Variants in MBTPS1 observed in about 807,000 individuals in gnomAD.
MBTPS1 encodes membrane-bound transcription factor site-1 protease.
MBTPS1 carries 94 observed loss-of-function variants against 127.8 expected under a neutral mutation model. The observed-to-expected ratio is 0.74, with a 90% CI of 0.62 to 0.87. The LOEUF (loss-of-function observed/expected upper bound fraction) is 0.87. Ranked by LOEUF, MBTPS1 falls within the 40% of genes least tolerant of loss-of-function variation. The probability of loss-of-function intolerance (pLI) is 0.00; values close to 1 mark genes in which losing one functional copy is unlikely to be tolerated. For synonymous variants in MBTPS1, 632 were observed against 509.4 expected (o/e 1.24, Z -3.24); for missense variants, 1,636 against 1,353.2 (o/e 1.21, Z -3.28).
At chr16:84,113,099 C>G (rs940813539) in intron 1 of MBTPS1, among the ~76,000 whole-genome samples, 1 of 152,014 alleles carries the variant, frequency 6.6e-6, no homozygotes, top group African/African-American at 2.4e-5. Flanking sequence ...GGATCTATCT[C>G]CTACAAATTG....
At position 84,085,126 on chromosome 16, in the gene MBTPS1, T is replaced by C; in HGVS notation, c.1143A>G (p.Pro381=). 3 of 1,614,172 alleles carry C rather than the reference T, an allele frequency of 1.9e-6. No homozygotes were observed. Among genetic ancestry groups the C allele is most frequent in the Non-Finnish European group, 2.5e-6 (3 of 1,180,008 alleles). ...SSRGMTTWEL[P]GGYGRMKPDI... Reference sequence around the variant, plus strand: ...CAGGTTTCATGCGACCGTAGCCTCCTGGTAGCTCCTATGAATAAAAGCAGC... The same window carrying C: ...CAGGTTTCATGCGACCGTAGCCTCCCGGTAGCTCCTATGAATAAAAGCAGC... Residue 381 remains proline (P), a synonymous_variant, in exon 10 of 23, where the codon CCA becomes CCG. Transcript: ENST00000343411.
chr16:84,107,838 C>T lies in MBTPS1; in HGVS notation c.-324-5731G>A, dbSNP rs570627481. Among the ~76,000 whole-genome samples the T allele has an allele frequency of 2.8e-3, 418 of 150,890 alleles. 1 individual carries two copies. Among genetic ancestry groups the T allele is most frequent in the Middle Eastern group, 0.014 (4 of 288 alleles). On this transcript the variant is annotated intron_variant, in intron 1 of 22. Transcript: ENST00000343411. The stretch of plus-strand genomic sequence containing the variant: ...TCCTACCTCAGCCTACCAAGTTGCA[C>T]GGACTACAATACGGCACTATGTCCA...
intron 14 of MBTPS1, among the ~76,000 whole-genome samples, chr16:84,068,825 C>T (rs531024894): frequency 1.2e-4 from 18 of 152,366 alleles, no homozygotes; most frequent in African/African-American, 3.4e-4. Flanking sequence ...AGTGCAGGGA[C>T]GCTGGAACAA....
At chr16:84,075,163 T>A (rs2085834923) in intron 11 of MBTPS1, 1 of 153,374 alleles carries the variant, frequency 6.5e-6, no homozygotes, top group Non-Finnish European at 1.5e-5. Context: ...AGGGGAGAGC[T>A]TAGGAAGCTG....
At chr16:84,105,250 A>T (rs1323226111) in intron 1 of MBTPS1, among the ~76,000 whole-genome samples, 1 of 152,242 alleles carries the variant, frequency 6.6e-6, no homozygotes, top group East Asian at 1.9e-4. Flanking sequence ...TCATTAGATC[A>T]GGCAATTTTA....
rs763690401 is a variant in MBTPS1, at chr16:84,063,318, A to G, written c.2559T>C (p.Ser853=). The stretch of plus-strand genomic sequence containing the variant: ...CGTTTTTCCTACCCTTCTGTCGGTG[A>G]CTGTCATCCAAGCAATTGGAGTCCC... ...LYGDSNCLDD[S]HRQKDCFWLL... The change falls in exon 19 of 23, where the codon AGT becomes AGC. Residue 853 remains serine, a synonymous_variant. Coordinates refer to ENST00000343411, the MANE Select transcript of MBTPS1 (RefSeq NM_003791.4). 1.9e-6 allele frequency: 3 copies of G among 1,610,496 alleles called. No individual in the cohort carries two copies. The highest frequency in any genetic ancestry group is 3.3e-5 in the Admixed American group (2 of 59,900).
At chr16:84,075,190 G>A (rs117279508) in intron 11 of MBTPS1, 2,940 of 153,044 alleles carry the variant, frequency 0.019, 47 homozygotes, top group Non-Finnish European at 0.028. Flanking sequence ...GATTTCTCCA[G>A]GCTTTCTCCG....
chr16:84,089,290 C>T (rs12924777), intron 8 of MBTPS1, among the ~76,000 whole-genome samples: 35,410 of 152,246 alleles, frequency 0.23, 4,788 homozygotes, highest in East Asian at 0.38. Flanking sequence ...GCAAATACAG[C>T]GTTCCTGGAA....
intron 8 of MBTPS1, among the ~76,000 whole-genome samples, chr16:84,087,726 G>A (rs2086051287): frequency 1.3e-5 from 2 of 152,070 alleles, no homozygotes; most frequent in Admixed American, 6.6e-5. Context: ...GCACACTGGG[G>A]CTCAAGGCTC....
chr16:84,060,608 A>G (rs1406279426), intron 20 of MBTPS1, 74 bp downstream of exon 20: 1 of 1,544,154 alleles, frequency 6.5e-7, no homozygotes, highest in Non-Finnish European at 8.8e-7. Context: ...TGGCAGGCAC[A>G]GCCACTGGCT....
At position 84,101,672 on chromosome 16, in the gene MBTPS1, A is replaced by C. The variant is rs769766110; in HGVS notation, c.112T>G (p.Cys38Gly). 6.2e-7 allele frequency: 1 copy of C among 1,614,212 alleles called. No individual in the cohort carries two copies. The highest frequency in any genetic ancestry group is 1.1e-5 in the South Asian group (1 of 91,084). ...TCCACCTTCAAAGTCAGGTGGGAAC[A>C]GCCAGGGCATGGGGCCTTTTCAAAA... is the stretch of plus-strand genomic sequence containing the variant. ...KSFEKAPCPG[C>G]SHLTLKVEFS... is the part of the protein sequence containing the mutation. The change falls in exon 2 of 23, where the codon TGT becomes GGT. Residue 38 changes from cysteine to glycine, a missense_variant. Physicochemically the swap from Cys to Gly is radical, Grantham distance 159 (BLOSUM62 -3). Coordinates refer to ENST00000343411, the MANE Select transcript of MBTPS1 (RefSeq NM_003791.4).
chr16:84,099,101 G>A lies in MBTPS1; in HGVS notation c.373C>T (p.Arg125Trp), dbSNP rs150244031. Residue 125 changes from arginine (R) to tryptophan (W), a missense_variant, in exon 3 of 23, where the codon CGG becomes TGG. Physicochemically the swap from Arg to Trp is moderately radical, Grantham distance 101 (BLOSUM62 -3). Transcript: ENST00000343411. ...LTLEDHPNIK[R>W]VTPQRKVFRS... is the part of the protein sequence containing the mutation. Reference sequence around the variant, plus strand: ...AAGACTTTTCGTTGGGGCGTGACCCGTTTGATGTTTGGATGATCTTCAAGT... The same window carrying A: ...AAGACTTTTCGTTGGGGCGTGACCCATTTGATGTTTGGATGATCTTCAAGT... The A allele has an allele frequency of 1.7e-5, 27 of 1,614,100 alleles. No homozygotes were observed. The East Asian group carries it at 4.9e-4, about 29-fold the overall frequency.
At chr16:84,076,319 G>C (rs544831085) in intron 11 of MBTPS1, among the ~76,000 whole-genome samples, 15 of 152,040 alleles carry the variant, frequency 9.9e-5, no homozygotes, top group East Asian at 3.9e-4. Context: ...ACACACCTTA[G>C]GGATAAATCC....
rs1373826459 is a variant in MBTPS1, at chr16:84,091,811, T to C, written c.884A>G (p.Tyr295Cys). The C allele has an allele frequency of 6.2e-7, 1 of 1,613,910 alleles. No homozygotes were observed. The highest frequency in any genetic ancestry group is 1.7e-5 in the Admixed American group (1 of 60,010). ...YTSWFLDAFN[Y>C]AILKKIDVLN... is the part of the protein sequence containing the mutation. ...CACGTCGATCTTCTTTAAAATGGCA[T>C]AGTTGAAGGCGTCCAAAAACCAAGA... is the stretch of plus-strand genomic sequence containing the variant. Residue 295 changes from tyrosine (Y) to cysteine (C), a missense_variant, in exon 7 of 23, where the codon TAT (tyrosine) becomes TGT (cysteine). Tyr to Cys is a radical substitution (Grantham distance 194). Transcript: ENST00000343411.
chr16:84,084,938 C>G, intron 10 of MBTPS1, 45 bp downstream of exon 10: 1 of 1,594,998 alleles, frequency 6.3e-7, no homozygotes, highest in Non-Finnish European at 8.6e-7. Flanking sequence ...CCGAGTGCTC[C>G]TGTCCTGACG....
intron 19 of MBTPS1, 172 bp from the exon 20 acceptor site, chr16:84,060,985 C>T: frequency 1.8e-6 from 1 of 541,584 alleles, no homozygotes; most frequent in Non-Finnish European, 3.2e-6. Context: ...AGGCACATGA[C>T]AGCATGCCCG....
intron 12 of MBTPS1, among the ~76,000 whole-genome samples, chr16:84,071,553 A>G (rs2085769900): frequency 6.6e-6 from 1 of 152,240 alleles, no homozygotes; most frequent in African/African-American, 2.4e-5. Flanking sequence ...CCCAAGTGAA[A>G]AACTTTCGCC....
At chr16:84,058,034 G>A in intron 21 of MBTPS1, 1 of 152,212 alleles carries the variant, frequency 6.6e-6, no homozygotes, top group East Asian at 1.9e-4. Flanking sequence ...TAGGCTAATA[G>A]AAGGTTATAA....
At position 84,056,038 on chromosome 16, in the gene MBTPS1, G is replaced by A; in HGVS notation, c.2929C>T (p.Pro977Ser). 1 of 1,613,928 alleles carries A rather than the reference G, an allele frequency of 6.2e-7. No individual in the cohort carries two copies. The highest frequency in any genetic ancestry group is 1.1e-5 in the South Asian group (1 of 91,066). Residue 977 changes from proline (P) to serine (S), a missense_variant, in exon 22 of 23, where the codon CCT (proline) becomes TCT (serine). Transcript: ENST00000343411. ...ATGTCCCAGGCGCCGCTCTCTCCAG[G>A]GGACAAGGGCCTCACTTGAGGGCGA... ...SNRPQVRPLS[P>S]GESGAWDIPG...
Sources: gnomAD v4.1 joint callset for allele counts (sites outside exome capture counted in the v4.1 genomes callset) on GRCh38, gnomAD v4.1.1 for gene constraint, MANE v1.5 for transcripts, NCBI Gene and HGNC (gene_info 2026-07-23, HGNC 2026-07-21) for gene names.